Variants in NECTIN3 observed in about 807,000 individuals in gnomAD.
The protein encoded by NECTIN3 is nectin cell adhesion molecule 3, also known as nectin-3.
Under a neutral mutation model 49.4 loss-of-function variants are expected in NECTIN3, and 8 were observed. The observed-to-expected ratio is 0.16, with a 90% CI of 0.10 to 0.29. The LOEUF (loss-of-function observed/expected upper bound fraction) is 0.29. Ranked by LOEUF, NECTIN3 falls within the 10% of genes least tolerant of loss-of-function variation. The pLI is 1.00. For synonymous variants in NECTIN3, 277 were observed against 241.1 expected (o/e 1.15, Z -1.38); for missense variants, 581 against 654.6 (o/e 0.89, Z 1.23).
intron 5 of NECTIN3, among the ~76,000 whole-genome samples, chr3:111,144,180 T>C (rs1042582275): frequency 1.7e-4 from 26 of 152,046 alleles, no homozygotes; most frequent in Non-Finnish European, 2.7e-4. Flanking sequence ...CAGCCAAATA[T>C]GTTTTTTAAA....
At chr3:111,085,199 A>G (rs1435017386) in intron 1 of NECTIN3, among the ~76,000 whole-genome samples, 1 of 152,176 alleles carries the variant, frequency 6.6e-6, no homozygotes, top group Non-Finnish European at 1.5e-5. Context: ...ATCTGTGGAC[A>G]CTCTATTTCC....
chr3:111,169,890 A>G (rs2035401681), intron 7 of NECTIN3, among the ~76,000 whole-genome samples: 1 of 152,236 alleles, frequency 6.6e-6, no homozygotes, highest in African/African-American at 2.4e-5. Flanking sequence ...CTTTGTACCA[A>G]TGTACACTGC....
chr3:111,175,466 C>A (rs1489144011), intron 7 of NECTIN3, among the ~76,000 whole-genome samples: 1 of 151,872 alleles, frequency 6.6e-6, no homozygotes, highest in African/African-American at 2.4e-5. Flanking sequence ...TTCAAATTGC[C>A]TCGCTTTGTT....
intron 1 of NECTIN3, among the ~76,000 whole-genome samples, chr3:111,086,462 A>G (rs940943826): frequency 2.6e-5 from 4 of 152,154 alleles, no homozygotes; most frequent in African/African-American, 9.7e-5. Flanking sequence ...GATAGGGTTC[A>G]TATTTTTTCC....
chr3:111,166,578 C>T (rs1307359518), intron 7 of NECTIN3, among the ~76,000 whole-genome samples: 1 of 152,128 alleles, frequency 6.6e-6, no homozygotes, highest in Non-Finnish European at 1.5e-5. Context: ...TTATATTATC[C>T]TGTTTTCTGT....
intron 7 of NECTIN3, among the ~76,000 whole-genome samples, chr3:111,176,589 T>G (rs6437955): frequency 0.3 from 45,134 of 152,124 alleles, 12,693 homozygotes; most frequent in African/African-American, 0.71. Flanking sequence ...AGCAGACAGT[T>G]TCTCTTTGTA....
chr3:111,180,891 T>C (rs1470765524), intron 7 of NECTIN3, among the ~76,000 whole-genome samples: 1 of 152,206 alleles, frequency 6.6e-6, no homozygotes, highest in Non-Finnish European at 1.5e-5. Context: ...TCCCTACCCA[T>C]GTTTCTCCAA....
chr3:111,173,359 C>T (rs371894623), intron 7 of NECTIN3, among the ~76,000 whole-genome samples: 40 of 152,278 alleles, frequency 2.6e-4, no homozygotes, highest in East Asian at 1.4e-3. Context: ...TGTAATCATA[C>T]GTGATTTTTT....
At chr3:111,109,830 A>G (rs916397232) in intron 1 of NECTIN3, among the ~76,000 whole-genome samples, 19 of 151,990 alleles carry the variant, frequency 1.3e-4, no homozygotes, top group Non-Finnish European at 1.8e-4. Flanking sequence ...TTTCACTATA[A>G]TTGCATTGCA....
In NECTIN3 at chr3:111,135,534, G is replaced by C; in HGVS notation, c.*1319G>C. 1.0e-6 allele frequency: 1 copy of C among 982,258 alleles called. No homozygotes were observed. Among genetic ancestry groups the C allele is most frequent in the Non-Finnish European group, 1.2e-6 (1 of 827,212 alleles). The allele number at this position is 982,258 out of a possible 1,614,324, so 60.8% of individuals were successfully genotyped here. ...CAGTGGAGGCTTACAAAATTATTGT[G>C]ACAACTATTTTGAAGCTGAAAGGAT... On this transcript the variant is annotated 3_prime_UTR_variant, in exon 6 of 6. Transcript: ENST00000485303.
At chr3:111,128,136 G>A (rs2107482740) in intron 5 of NECTIN3, among the ~76,000 whole-genome samples, 1 of 152,058 alleles carries the variant, frequency 6.6e-6, no homozygotes, top group East Asian at 1.9e-4. Flanking sequence ...TCAGGAGCTT[G>A]AGATCAGCCT....
intron 5 of NECTIN3, among the ~76,000 whole-genome samples, chr3:111,130,595 G>A (rs1474894223): frequency 2.6e-5 from 4 of 152,084 alleles, no homozygotes; most frequent in Non-Finnish European, 2.9e-5. Context: ...TAAAATAAAT[G>A]CATCTTAGGA....
At chr3:111,102,490 A>G (rs1202242519) in intron 1 of NECTIN3, among the ~76,000 whole-genome samples, 1 of 152,248 alleles carries the variant, frequency 6.6e-6, no homozygotes, top group African/African-American at 2.4e-5. Flanking sequence ...TAAAATGTCC[A>G]ACCCAGGTTA....
chr3:111,127,804 G>T lies in NECTIN3; in HGVS notation c.1069+1469G>T, dbSNP rs192524254. 1.6e-3 allele frequency among the ~76,000 whole-genome samples: 239 copies of T among 152,166 alleles called. 1 individual carries two copies. Among genetic ancestry groups the T allele is most frequent in the African/African-American group, 5.6e-3 (234 of 41,522 alleles). Reference sequence around the variant, plus strand: ...GCTGGTCGTGAACTTCTGAGCTCAAGTGATCTGCCCACCTCAACCTCCTAA... The same window carrying T: ...GCTGGTCGTGAACTTCTGAGCTCAATTGATCTGCCCACCTCAACCTCCTAA... On this transcript the variant is annotated intron_variant, in intron 5 of 5. Transcript: ENST00000485303.
intron 7 of NECTIN3, among the ~76,000 whole-genome samples, chr3:111,161,374 G>A (rs2035209385): frequency 6.6e-6 from 1 of 152,136 alleles, no homozygotes; most frequent in Non-Finnish European, 1.5e-5. Context: ...CCACCAGTGA[G>A]TTCTCAAGGA....
intron 5 of NECTIN3, among the ~76,000 whole-genome samples, chr3:111,128,782 T>C (rs968440364): frequency 6.6e-6 from 1 of 152,210 alleles, no homozygotes; most frequent in Non-Finnish European, 1.5e-5. Flanking sequence ...TACACTAGTC[T>C]AAGCCATAAG....
intron 7 of NECTIN3, among the ~76,000 whole-genome samples, chr3:111,172,474 A>T (rs950202404): frequency 2.0e-5 from 3 of 152,190 alleles, no homozygotes; most frequent in African/African-American, 7.2e-5. Flanking sequence ...TGTTTTACAG[A>T]ACTTTGGATT....
In NECTIN3 at chr3:111,135,140, T is replaced by C. The variant is rs1363151243; in HGVS notation, c.*925T>C. 5 of 981,576 alleles carry C rather than the reference T, an allele frequency of 5.1e-6. No individual in the cohort carries two copies. Among genetic ancestry groups the C allele is most frequent in the Non-Finnish European group, 6.0e-6 (5 of 826,658 alleles). The allele number at this position is 981,576 out of a possible 1,614,324, so 60.8% of individuals were successfully genotyped here. A position where few individuals can be genotyped will look rare whatever the true frequency, so the allele number is the denominator to read the frequency against. On this transcript the variant is annotated 3_prime_UTR_variant, in exon 6 of 6. Transcript: ENST00000485303. ...AATGAGACTTTCAGCCAACAATCTA[T>C]AGAAAGAATTTTATGGACCATCTTG...
intron 7 of NECTIN3, among the ~76,000 whole-genome samples, chr3:111,176,905 C>T: frequency 6.6e-6 from 1 of 152,170 alleles, no homozygotes; most frequent in South Asian, 2.1e-4. Context: ...TCTCATCTTT[C>T]AATAGGAAGG....
Sources: gnomAD v4.1 joint callset for allele counts (sites outside exome capture counted in the v4.1 genomes callset) on GRCh38, gnomAD v4.1.1 for gene constraint, MANE v1.5 for transcripts, NCBI Gene and HGNC (gene_info 2026-07-23, HGNC 2026-07-21) for gene names.